Variants in GRIK2 observed in about 807,000 individuals in gnomAD.
The protein encoded by GRIK2 is glutamate ionotropic receptor kainate type subunit 2, also known as glutamate receptor ionotropic, kainate 2.
Under a neutral mutation model 100.3 loss-of-function variants are expected in GRIK2, and 32 were observed. The observed-to-expected ratio is 0.32, with a 90% CI of 0.24 to 0.43. GRIK2 has a LOEUF of 0.43. Among genes scored for constraint, GRIK2 ranks in the 20% least tolerant of loss-of-function variants. The pLI, the probability that GRIK2 is intolerant of heterozygous loss-of-function variation, is 1.00. For synonymous variants in GRIK2, 417 were observed against 389.4 expected, an observed-to-expected ratio of 1.07 and a Z score of -0.83; for missense variants, 843 against 1,114.9, an observed-to-expected ratio of 0.76 and a Z score of 3.47.
intron 11 of GRIK2, among the ~76,000 whole-genome samples, chr6:101,879,678 A>ATT (rs34632401): frequency 0.092 from 13,578 of 147,234 alleles, 1,302 homozygotes; most frequent in East Asian, 0.52. Flanking sequence ...ATCTCACTAC[A>ATT]TTTTTTTTTT....
intron 2 of GRIK2, among the ~76,000 whole-genome samples, chr6:101,453,988 C>A (rs2128250139): frequency 6.6e-6 from 1 of 152,024 alleles, no homozygotes; most frequent in African/African-American, 2.4e-5. Context: ...CAGAAAAGCC[C>A]AACACCAATA....
intron 2 of GRIK2, among the ~76,000 whole-genome samples, chr6:101,468,086 T>C (rs1225981175): frequency 1.3e-5 from 2 of 152,184 alleles, no homozygotes; most frequent in East Asian, 1.9e-4. Context: ...GCAGAGCTAA[T>C]GTGAGATAGA....
At chr6:101,850,342 G>A (rs1784063386) in intron 10 of GRIK2, among the ~76,000 whole-genome samples, 1 of 151,942 alleles carries the variant, frequency 6.6e-6, no homozygotes, top group Non-Finnish European at 1.5e-5. Context: ...AGAGTTCAGT[G>A]TATGCTTGGG....
At chr6:101,539,685 T>A (rs1184945904) in intron 2 of GRIK2, among the ~76,000 whole-genome samples, 2 of 151,838 alleles carry the variant, frequency 1.3e-5, no homozygotes, top group African/African-American at 4.8e-5. Flanking sequence ...CATTATTTTT[T>A]GTGTTTCATA....
At chr6:101,708,192 A>G (rs1374643310) in intron 7 of GRIK2, among the ~76,000 whole-genome samples, 1 of 151,792 alleles carries the variant, frequency 6.6e-6, no homozygotes, top group Non-Finnish European at 1.5e-5. Flanking sequence ...AACACTATTA[A>G]ATTCCTTAAT....
chr6:101,494,027 T>C (rs1250668527), intron 2 of GRIK2, among the ~76,000 whole-genome samples: 1 of 86,728 alleles, frequency 1.2e-5, no homozygotes, highest in Non-Finnish European at 2.1e-5. Context: ...AAAAATTATA[T>C]ATATAATTTA....
intron 2 of GRIK2, among the ~76,000 whole-genome samples, chr6:101,474,108 G>T (rs1020181855): frequency 2.6e-5 from 4 of 151,850 alleles, no homozygotes; most frequent in African/African-American, 9.7e-5. Flanking sequence ...TTGGAGTGAA[G>T]AGACAGAAAA....
In GRIK2 at chr6:101,496,090, C is replaced by T. The variant is rs533851833; in HGVS notation, c.115+96698C>T. Among the ~76,000 whole-genome samples, 73 of 152,104 alleles carry T rather than the reference C, an allele frequency of 4.8e-4. No homozygotes were observed. The East Asian group carries it at 5.2e-3, about 11-fold the overall frequency. On this transcript the variant is annotated intron_variant, in intron 2 of 16. Coordinates refer to ENST00000369134, the MANE Select transcript of GRIK2 (RefSeq NM_021956.5). Reference sequence around the variant, plus strand: ...CTTCCCAAGTAGCTGGGATTACAGGCGCACATCACCACACCTGGCTAATTT... The same window carrying T: ...CTTCCCAAGTAGCTGGGATTACAGGTGCACATCACCACACCTGGCTAATTT...
intron 2 of GRIK2, among the ~76,000 whole-genome samples, chr6:101,522,225 G>A (rs1181277516): frequency 6.6e-6 from 1 of 152,014 alleles, no homozygotes; most frequent in African/African-American, 2.4e-5. Context: ...CTGACCCAAG[G>A]CCTTTGTCAC....
rs1213667888 is a variant in GRIK2, at chr6:102,069,804, T to C, written c.*1293T>C. 6.6e-6 allele frequency: 1 copy of C among 151,954 alleles called. No homozygotes were observed. Among genetic ancestry groups the C allele is most frequent in the Non-Finnish European group, 1.5e-5 (1 of 67,976 alleles). The allele number at this position is 151,954 out of a possible 1,614,324, so 9.4% of individuals were successfully genotyped here. On this transcript the variant is annotated 3_prime_UTR_variant, in exon 17 of 17. Transcript: ENST00000369134. ...GTGCGTGTGCACCACCAACGTTTGG[T>C]GAAAACTATTTTTATCAAGAAAAAA...
At chr6:102,065,793 A>G (rs1411902515) in intron 16 of GRIK2, 1 of 1,515,026 alleles carries the variant, frequency 6.6e-7, no homozygotes, top group African/African-American at 1.4e-5. Context: ...AAATGTTTCA[A>G]CAGAGAGCCA....
At chr6:102,045,434 A>T (rs1261290345) in intron 15 of GRIK2, among the ~76,000 whole-genome samples, 3 of 152,092 alleles carry the variant, frequency 2.0e-5, no homozygotes, top group Non-Finnish European at 4.4e-5. Flanking sequence ...AAGGAAAAAG[A>T]TAGTGAGAGC....
chr6:101,964,167 T>C (rs1035737262), intron 14 of GRIK2, among the ~76,000 whole-genome samples: 8 of 150,806 alleles, frequency 5.3e-5, no homozygotes, highest in Non-Finnish European at 1.2e-4. Flanking sequence ...ATGTATAATA[T>C]ATACATACTA....
intron 4 of GRIK2, among the ~76,000 whole-genome samples, chr6:101,652,506 A>T (rs973296171): frequency 6.6e-6 from 1 of 152,180 alleles, no homozygotes; most frequent in Non-Finnish European, 1.5e-5. Flanking sequence ...GAACTAATTA[A>T]GGCGGGGGCA....
At chr6:101,852,358 G>C (rs1384573296) in intron 10 of GRIK2, among the ~76,000 whole-genome samples, 1 of 151,930 alleles carries the variant, frequency 6.6e-6, no homozygotes, top group Non-Finnish European at 1.5e-5. Flanking sequence ...TTCTCCTCAA[G>C]TCCTTAACCC....
Position 101,760,678 on chromosome 6 carries a change from A to ATAATTATATG in GRIK2, c.952-38969_952-38968insAATTATATGT, listed in dbSNP as rs1562364731. On this transcript the variant is annotated intron_variant, in intron 7 of 16. Transcript: ENST00000369134. Reference sequence around the variant, plus strand: ...TATGTTTAATTATATATAATTATATATTTAATTATATATAATTATATATAA... The same window carrying ATAATTATATG: ...TATGTTTAATTATATATAATTATATATAATTATATGTTTAATTATATATAATTATATATAA... 7.5e-4 allele frequency among the ~76,000 whole-genome samples: 64 copies of ATAATTATATG among 84,972 alleles called. 3 individuals carry two copies. In the East Asian group the frequency reaches 8.1e-3, roughly 11 times the overall value. The allele number at this position is 84,972 out of a possible 152,430, so 55.7% of individuals were successfully genotyped here. A position where few individuals can be genotyped will look rare whatever the true frequency, so the allele number is the denominator to read the frequency against.
At chr6:101,472,061 T>G (rs1340974790) in intron 2 of GRIK2, among the ~76,000 whole-genome samples, 2 of 151,908 alleles carry the variant, frequency 1.3e-5, no homozygotes, top group Non-Finnish European at 2.9e-5. Flanking sequence ...CTAAACATTT[T>G]TATGGTTATT....
chr6:102,027,491 T>A (rs929993582), intron 14 of GRIK2, among the ~76,000 whole-genome samples: 3 of 151,226 alleles, frequency 2.0e-5, no homozygotes, highest in African/African-American at 7.3e-5. Context: ...TGAGCTGAAG[T>A]CAACATTTCT....
At chr6:101,473,324 G>T (rs1772053718) in intron 2 of GRIK2, among the ~76,000 whole-genome samples, 1 of 151,484 alleles carries the variant, frequency 6.6e-6, no homozygotes, top group African/African-American at 2.4e-5. Context: ...CTTCTTTTAA[G>T]AATTTTAGTA....
Sources: allele counts gnomAD v4.1 joint callset (sites outside exome capture counted in the v4.1 genomes callset), GRCh38; gene constraint gnomAD v4.1.1; transcripts MANE v1.5; gene names NCBI Gene and HGNC (gene_info 2026-07-23, HGNC 2026-07-21).